OFD1: variants seen among roughly 807,000 people sequenced by gnomAD.
The protein encoded by OFD1 is OFD1 centriole and centriolar satellite protein, also known as centriole and centriolar satellite protein OFD1.
In OFD1, 12 loss-of-function variants were observed where a neutral mutation model predicts 81.4. The observed-to-expected ratio is 0.15, with a 90% CI of 0.09 to 0.24. The LOEUF (loss-of-function observed/expected upper bound fraction) is 0.24. Ranked by LOEUF, OFD1 falls within the 10% of genes least tolerant of loss-of-function variation. The pLI is 1.00. For missense variants in OFD1, 685 were observed against 733.9 expected, an observed-to-expected ratio of 0.93 and a Z score of 0.77; for synonymous variants, 256 against 263.7, an observed-to-expected ratio of 0.97 and a Z score of 0.28.
At chrX:13,741,537 C>T (rs1172966533) in intron 5 of OFD1, among the ~76,000 whole-genome samples, 1 of 111,704 alleles carries the variant, frequency 9.0e-6, no homozygotes, top group Non-Finnish European at 1.9e-5. Flanking sequence ...ATTCTTCCCA[C>T]TGCTAATTTT....
chrX:13,744,503 T>G lies in OFD1; in HGVS notation c.501T>G (p.Phe167Leu), dbSNP rs758095885. ...TGGAAACTCAGACAAGTTCGACATT[T>G]AACAGAGATTCTCTGGGTAATTATA... ...CNMETQTSST[F>L]NRDSLAEKLQ... Residue 167 changes from phenylalanine (F) to leucine (L), a missense_variant, in exon 6 of 23, where the codon TTT (phenylalanine) becomes TTG (leucine). This residue lies in a region of OFD1 where 414 missense variants were observed against 447.2 expected (regional missense o/e 0.93). Transcript: ENST00000340096. 5 of 1,126,558 alleles carry G rather than the reference T, an allele frequency of 4.4e-6. No individual in the cohort carries two copies. In the South Asian group the frequency reaches 9.1e-5, roughly 20 times the overall value. 92.8% of individuals were successfully genotyped at this position (1,126,558 alleles called of 1,213,427 possible).
chrX:13,770,617 A>T (rs1442959675), downstream of OFD1, among the ~76,000 whole-genome samples: 1 of 112,130 alleles, frequency 8.9e-6, no homozygotes, highest in East Asian at 2.8e-4. Flanking sequence ...ACATGCCCTT[A>T]TTTTGTTTCT....
downstream of OFD1, chrX:13,772,765 G>A: frequency 1.6e-6 from 1 of 643,591 alleles, no homozygotes; most frequent in East Asian, 3.4e-5. Flanking sequence ...GAGACAGACA[G>A]TGAAGTGTTT....
chrX:13,758,355 C>A lies in OFD1; in HGVS notation c.1561C>A (p.Leu521Met). 8.3e-7 allele frequency: 1 copy of A among 1,201,731 alleles called. No individual in the cohort carries two copies. Among genetic ancestry groups the A allele is most frequent in the Non-Finnish European group, 1.1e-6 (1 of 886,893 alleles). ...TTTTCAGATTGAGCATTCTGCACAG[C>A]TGAAGGCCCAGATTCTAGGTTACAA... ...LQDEIEHSAQLKAQILGYKAS... is the reference protein window; with the variant it reads ...LQDEIEHSAQMKAQILGYKAS... The change falls in exon 15 of 23, where the codon CTG (leucine) becomes ATG (methionine). Residue 521 changes from leucine (L) to methionine (M), a missense_variant. Physicochemically the swap from Leu to Met is conservative, Grantham distance 15. Around this residue, in one of 3 missense-constraint regions of OFD1, gnomAD observed 414 missense variants for 447.2 expected, o/e 0.93. Coordinates refer to ENST00000340096, the MANE Select transcript of OFD1 (RefSeq NM_003611.3).
In OFD1 at chrX:13,760,669, A is replaced by G. The variant is rs778936071; in HGVS notation, c.2209A>G (p.Thr737Ala). 10 of 1,209,722 alleles carry G rather than the reference A, an allele frequency of 8.3e-6. No homozygotes were observed. In the East Asian group the frequency reaches 3.0e-4, roughly 36 times the overall value. Residue 737 changes from threonine (T) to alanine (A), a missense_variant, in exon 16 of 23, where the codon ACA (threonine) becomes GCA (alanine). Thr to Ala is a moderately conservative substitution (Grantham distance 58). Around this residue, in one of 3 missense-constraint regions of OFD1, gnomAD observed 259 missense variants for 254.4 expected, o/e 1.02. Coordinates refer to ENST00000340096, the MANE Select transcript of OFD1 (RefSeq NM_003611.3). ...CACTTCCTCCAGACGCCTCTCTTCCACACCCCTTCCAAAAGCAAAAAGAAG... is the reference window on the plus strand; with the variant it reads ...CACTTCCTCCAGACGCCTCTCTTCCGCACCCCTTCCAAAAGCAAAAAGAAG... ...GGTSSRRLSS[T>A]PLPKAKRSLE...
intron 19 of OFD1, 148 bp from the exon 20 acceptor site, chrX:13,766,979 A>G: frequency 1.8e-6 from 1 of 555,019 alleles, no homozygotes; most frequent in East Asian, 3.3e-5. Flanking sequence ...GTCGGTGAAA[A>G]TGAAATAGTG....
At chrX:13,727,778 G>A in the OFD1 span, among the ~76,000 whole-genome samples, 2 of 111,534 alleles carry the variant, frequency 1.8e-5, no homozygotes, top group African/African-American at 6.5e-5. Context: ...ATAAACACAC[G>A]AAAAACCCTT....
At chrX:13,738,139 G>A (rs928247462) in intron 3 of OFD1, among the ~76,000 whole-genome samples, 5 of 112,182 alleles carry the variant, frequency 4.5e-5, no homozygotes, top group Non-Finnish European at 9.4e-5. Flanking sequence ...ATGAGCCCTC[G>A]TGTCTGGCCT....
chrX:13,764,352 G>A (rs368446651), intron 19 of OFD1, among the ~76,000 whole-genome samples: 1 of 112,164 alleles, frequency 8.9e-6, no homozygotes, highest in Non-Finnish European at 1.9e-5. Context: ...GAAAAACTTC[G>A]TATTTCAATC....
intron 21 of OFD1, 128 bp from the exon 22 acceptor site, chrX:13,768,590 C>T: frequency 3.5e-6 from 2 of 569,305 alleles, no homozygotes; most frequent in South Asian, 5.2e-5. Flanking sequence ...TGCTAAATTT[C>T]ATGTTTAAAA....
the OFD1 span, chrX:13,716,095 A>G: frequency 1.7e-6 from 2 of 1,184,243 alleles, no homozygotes; most frequent in Non-Finnish European, 2.3e-6. Context: ...CATATGTGAA[A>G]TAATTAAGGC....
rs200465596 is a variant in OFD1, at chrX:13,760,190, A to G, written c.1730A>G (p.Asn577Ser). The G allele has an allele frequency of 1.6e-4, 195 of 1,210,267 alleles. 1 individual carries two copies. The highest frequency in any genetic ancestry group is 4.4e-5 in the Admixed American group (2 of 45,806). ...TCTGTCAATGGATTAATAAATGGCA[A>G]TGTGGTGCCTTGCAATGGTGAGATA... ...DRSVNGLINGNVVPCNGEISG... is the reference protein window; with the variant it reads ...DRSVNGLINGSVVPCNGEISG... The change falls in exon 16 of 23, where the codon AAT becomes AGT. Residue 577 changes from asparagine (N) to serine (S), a missense_variant. By Grantham distance (46) the Asn-to-Ser change is conservative. This residue lies in a region of OFD1 where 414 missense variants were observed against 447.2 expected (regional missense o/e 0.93). Coordinates refer to ENST00000340096, the MANE Select transcript of OFD1 (RefSeq NM_003611.3).
At chrX:13,745,686 G>A (rs1028928017) in intron 6 of OFD1, among the ~76,000 whole-genome samples, 9 of 112,240 alleles carry the variant, frequency 8.0e-5, no homozygotes, top group Middle Eastern at 4.6e-3. Context: ...ATACACGGTT[G>A]AGATTGTACT....
the OFD1 span, among the ~76,000 whole-genome samples, chrX:13,727,789 T>TA: frequency 7.1e-4 from 79 of 111,539 alleles, no homozygotes; most frequent in African/African-American, 2.2e-3. Flanking sequence ...AAAAACCCTT[T>TA]AAAAAATCAA....
the OFD1 span, chrX:13,716,642 C>T: frequency 1.7e-6 from 2 of 1,211,752 alleles, no homozygotes; most frequent in East Asian, 3.0e-5. Context: ...TCGAGAGCAG[C>T]ATGAGCTATG....
intron 15 of OFD1, 66 bp downstream of exon 15, chrX:13,758,514 A>G (rs2047801463): frequency 5.1e-6 from 3 of 592,473 alleles, no homozygotes; most frequent in African/African-American, 2.2e-5. Flanking sequence ...GTGAAAATGT[A>G]ATGATCATAA....
At chrX:13,727,817 T>G in the OFD1 span, among the ~76,000 whole-genome samples, 23 of 111,108 alleles carry the variant, frequency 2.1e-4, no homozygotes, top group Admixed American at 1.9e-4. Flanking sequence ...AGGAGCTGGT[T>G]TTTTCAAAAG....
rs1267564181 is a variant in OFD1, at chrX:13,768,716, A to G, written c.2929-2A>G. ...AATTTTCCACCCTCTCCATGTAATC[A>G]GAGCTCAAAAAAGATGGTCCAAGAA... On this transcript the variant is annotated splice_acceptor_variant, in intron 21 of 22. Transcript: ENST00000340096. LOFTEE classifies it high-confidence loss of function. 8.3e-7 allele frequency: 1 copy of G among 1,202,090 alleles called. No individual in the cohort carries two copies.
At chrX:13,767,412 TCC>T in intron 20 of OFD1, 128 bp downstream of exon 20, 2 of 628,895 alleles carry the variant, frequency 3.2e-6, no homozygotes, top group Non-Finnish European at 5.3e-6. Context: ...TTAAAAGGCA[TCC>T]CTGTCCTCTC....
Sources: allele counts gnomAD v4.1 joint callset (sites outside exome capture counted in the v4.1 genomes callset), GRCh38; gene constraint gnomAD v4.1.1; regional missense constraint gnomAD v4.1.1; transcripts MANE v1.5; gene names NCBI Gene and HGNC (gene_info 2026-07-23, HGNC 2026-07-21).